OSMR: variants seen among roughly 807,000 people sequenced by gnomAD.
OSMR encodes the protein oncostatin-M-specific receptor subunit beta.
A neutral mutation model predicts 99.9 loss-of-function variants in OSMR; 81 were observed. That is an observed-to-expected ratio of 0.81 (90% CI 0.68 to 0.97). The LOEUF is 0.97. Ranked by LOEUF, OSMR falls within the 50% of genes least tolerant of loss-of-function variation. The pLI, the probability that OSMR is intolerant of heterozygous loss-of-function variation, is 0.00. For synonymous variants in OSMR, 406 were observed against 410.4 expected (o/e 0.99, Z 0.13); for missense variants, 1,099 against 1,153.4 (o/e 0.95, Z 0.68).
intron 14 of OSMR, 74 bp from the exon 15 acceptor site, chr5:38,925,130 C>A: frequency 6.3e-7 from 1 of 1,591,970 alleles, no homozygotes; most frequent in Non-Finnish European, 8.6e-7. Flanking sequence ...GTCCAGCTCT[C>A]TCACAAGATG....
At chr5:38,936,002 G>A (rs759651662), downstream of OSMR, among the ~76,000 whole-genome samples, 3 of 152,094 alleles carry the variant, frequency 2.0e-5, no homozygotes, top group Non-Finnish European at 2.9e-5. Context: ...ATAAATTCAC[G>A]TTCAAAACCT....
chr5:38,942,801 A>C (rs1313832808), intron 1 of OSMR: 2 of 1,494,346 alleles, frequency 1.3e-6, no homozygotes, highest in East Asian at 2.3e-5. Context: ...TATTCTTGGA[A>C]GATAAATTTG....
intron 15 of OSMR, among the ~76,000 whole-genome samples, chr5:38,928,400 A>G (rs979074186): frequency 1.3e-5 from 2 of 152,220 alleles, no homozygotes; most frequent in African/African-American, 4.8e-5. Context: ...AAACAGGTTT[A>G]AGTGGCTCAC....
chr5:38,886,969 C>T (rs1743821295), intron 7 of OSMR, among the ~76,000 whole-genome samples: 1 of 152,120 alleles, frequency 6.6e-6, no homozygotes, highest in African/African-American at 2.4e-5. Context: ...TATATTCTTA[C>T]CAAGTTGGTA....
chr5:38,868,630 G>A (rs1381924021), intron 1 of OSMR, among the ~76,000 whole-genome samples: 1 of 152,206 alleles, frequency 6.6e-6, no homozygotes, highest in Non-Finnish European at 1.5e-5. Flanking sequence ...GGCCTCCCCA[G>A]CCATGTGGAA....
intron 1 of OSMR, chr5:38,942,772 T>A: frequency 7.3e-7 from 1 of 1,361,842 alleles, no homozygotes; most frequent in Non-Finnish European, 1.0e-6. Flanking sequence ...TGTATTTTAA[T>A]TCAATTCAAA....
downstream of OSMR, chr5:38,938,591 A>C (rs1747216031): frequency 4.3e-6 from 1 of 232,794 alleles, no homozygotes; most frequent in African/African-American, 2.2e-5. Context: ...AAAATACTCC[A>C]AACAGGAAAA....
At chr5:38,850,320 T>C (rs910855222) in intron 1 of OSMR, among the ~76,000 whole-genome samples, 1 of 152,222 alleles carries the variant, frequency 6.6e-6, no homozygotes, top group Non-Finnish European at 1.5e-5. Flanking sequence ...TGAATATGAT[T>C]GAAAGCATTT....
intron 2 of OSMR, 52 bp downstream of exon 2, chr5:38,869,169 A>G (rs1742182544): frequency 7.7e-7 from 1 of 1,292,262 alleles, no homozygotes. Context: ...GAACAAATGA[A>G]GTCATTGATG....
At chr5:38,902,481 T>TC (rs555405387) in intron 7 of OSMR, among the ~76,000 whole-genome samples, 335 of 152,298 alleles carry the variant, frequency 2.2e-3, no homozygotes, top group African/African-American at 6.3e-3. Flanking sequence ...GTTTAATTTT[T>TC]CCCCTAAAAG....
At chr5:38,928,789 A>T (rs2112686956) in intron 15 of OSMR, among the ~76,000 whole-genome samples, 1 of 152,322 alleles carries the variant, frequency 6.6e-6, no homozygotes, top group East Asian at 1.9e-4. Flanking sequence ...CCCTTATCTG[A>T]TTAAGATGTG....
At chr5:38,910,408 A>G (rs887127408) in intron 9 of OSMR, among the ~76,000 whole-genome samples, 21 of 152,212 alleles carry the variant, frequency 1.4e-4, no homozygotes, top group Non-Finnish European at 2.8e-4. Context: ...ACAAATATAC[A>G]TTATTCTCAT....
intron 15 of OSMR, among the ~76,000 whole-genome samples, chr5:38,928,895 G>A (rs1182537854): frequency 1.3e-5 from 2 of 151,816 alleles, no homozygotes; most frequent in Non-Finnish European, 2.9e-5. Flanking sequence ...AATTTACTTG[G>A]TATACACACA....
chr5:38,928,304 AC>A (rs1357763456), intron 15 of OSMR, among the ~76,000 whole-genome samples: 8 of 151,850 alleles, frequency 5.3e-5, no homozygotes, highest in African/African-American at 1.9e-4. Flanking sequence ...TATAAGCAGC[AC>A]CCCACTCCCT....
At chr5:38,880,447 G>A (rs1743189555) in intron 3 of OSMR, among the ~76,000 whole-genome samples, 1 of 152,184 alleles carries the variant, frequency 6.6e-6, no homozygotes, top group South Asian at 2.1e-4. Flanking sequence ...ACATGAAGAA[G>A]AGAACGTGGT....
rs1404310401 is a variant in OSMR, at chr5:38,904,508, G to T, written c.1285+5G>T. 6.2e-7 allele frequency: 1 copy of T among 1,614,164 alleles called. No individual in the cohort carries two copies. The highest frequency in any genetic ancestry group is 1.7e-5 in the Admixed American group (1 of 60,022). ...ACTTCACCACACTTGAAGCTGGTATGTTCAGCCCCTGGCATTTAACCCAAA... is the reference window on the plus strand; with the variant it reads ...ACTTCACCACACTTGAAGCTGGTATTTTCAGCCCCTGGCATTTAACCCAAA... On this transcript the variant is annotated splice_donor_5th_base_variant and intron_variant, in intron 9 of 17. Coordinates refer to ENST00000274276, the MANE Select transcript of OSMR (RefSeq NM_003999.3).
chr5:38,875,276 A>G (rs986902560), intron 2 of OSMR, among the ~76,000 whole-genome samples: 3 of 152,330 alleles, frequency 2.0e-5, no homozygotes, highest in Non-Finnish European at 2.9e-5. Context: ...ATTATTTTAC[A>G]ATCTATATGG....
intron 1 of OSMR, among the ~76,000 whole-genome samples, chr5:38,853,841 C>G (rs887925513): frequency 6.6e-6 from 1 of 152,074 alleles, no homozygotes; most frequent in African/African-American, 2.4e-5. Context: ...TAACCATTAT[C>G]CAGTGGACAG....
At chr5:38,903,308 T>C (rs904744931) in intron 7 of OSMR, among the ~76,000 whole-genome samples, 1 of 152,200 alleles carries the variant, frequency 6.6e-6, no homozygotes, top group African/African-American at 2.4e-5. Context: ...GCAAACAGAA[T>C]CTTATCTCTG....
Sources: allele counts gnomAD v4.1 joint callset (sites outside exome capture counted in the v4.1 genomes callset), GRCh38; gene constraint gnomAD v4.1.1; transcripts MANE v1.5; gene names NCBI Gene and HGNC (gene_info 2026-07-23, HGNC 2026-07-21).